Variants in RIT2 observed in about 807,000 individuals in gnomAD.
RIT2 encodes Ras like without CAAX 2, also known as GTP-binding protein Rit2.
RIT2 carries 24 observed loss-of-function variants against 23.7 expected under a neutral mutation model. The observed-to-expected ratio is 1.01, with a 90% CI of 0.73 to 1.43. RIT2 has a LOEUF of 1.43. RIT2 is among the 40% of genes most tolerant of loss of function. The pLI, the probability that RIT2 is intolerant of heterozygous loss-of-function variation, is 0.00. For missense variants in RIT2, 236 were observed against 266.9 expected (o/e 0.88, Z 0.81); for synonymous variants, 107 against 91.1 (o/e 1.17, Z -0.99).
At chr18:43,027,371 G>T (rs1165435750) in intron 2 of RIT2, among the ~76,000 whole-genome samples, 1 of 152,064 alleles carries the variant, frequency 6.6e-6, no homozygotes, top group Non-Finnish European at 1.5e-5. Context: ...ATTTTATGAT[G>T]ATAAGAAGTG....
At chr18:42,991,315 T>G (rs1427934577) in intron 2 of RIT2, among the ~76,000 whole-genome samples, 1 of 152,002 alleles carries the variant, frequency 6.6e-6, no homozygotes, top group South Asian at 2.1e-4. Context: ...GAAGACAGAG[T>G]AGGCAAACAC....
intron 3 of RIT2, among the ~76,000 whole-genome samples, chr18:42,967,577 G>A (rs576907648): frequency 4.8e-4 from 50 of 105,172 alleles, no homozygotes; most frequent in African/African-American, 1.9e-3. Flanking sequence ...ATTTTTAGTA[G>A]AGACGGGGTT....
At chr18:42,969,251 A>G (rs1266231444) in intron 3 of RIT2, among the ~76,000 whole-genome samples, 1 of 152,162 alleles carries the variant, frequency 6.6e-6, no homozygotes, top group African/African-American at 2.4e-5. Context: ...TGGACCTTAA[A>G]ATATCCAAAA....
At chr18:42,858,488 A>G (rs559993923) in intron 4 of RIT2, among the ~76,000 whole-genome samples, 66 of 152,274 alleles carry the variant, frequency 4.3e-4, no homozygotes, top group African/African-American at 1.5e-3. Flanking sequence ...TTAATGCCAC[A>G]AAGGAGTCCC....
chr18:42,916,193 T>G (rs994691443), intron 4 of RIT2, among the ~76,000 whole-genome samples: 1 of 152,132 alleles, frequency 6.6e-6, no homozygotes. Context: ...TAATTAGTAT[T>G]TCTAATGAAG....
chr18:42,980,193 T>A (rs1466357266), intron 2 of RIT2, among the ~76,000 whole-genome samples: 1 of 152,072 alleles, frequency 6.6e-6, no homozygotes, highest in African/African-American at 2.4e-5. Context: ...AGAACAACCT[T>A]TCCTATCATA....
At chr18:43,044,461 A>T (rs1912200840) in intron 1 of RIT2, among the ~76,000 whole-genome samples, 1 of 152,208 alleles carries the variant, frequency 6.6e-6, no homozygotes, top group African/African-American at 2.4e-5. Flanking sequence ...ATATTAAAGT[A>T]ATGAAGCTCA....
At chr18:43,062,946 G>T (rs1425519298) in intron 1 of RIT2, among the ~76,000 whole-genome samples, 1 of 152,038 alleles carries the variant, frequency 6.6e-6, no homozygotes, top group Non-Finnish European at 1.5e-5. Flanking sequence ...ATAAGAATTA[G>T]AAAATTTTGG....
chr18:42,999,004 A>G (rs1056844011), intron 2 of RIT2, among the ~76,000 whole-genome samples: 2 of 152,092 alleles, frequency 1.3e-5, no homozygotes, highest in African/African-American at 2.4e-5. Flanking sequence ...CTTAATTTTT[A>G]TCACCAAGGA....
At chr18:42,966,211 T>C (rs1400333448) in intron 3 of RIT2, among the ~76,000 whole-genome samples, 1 of 152,186 alleles carries the variant, frequency 6.6e-6, no homozygotes, top group Non-Finnish European at 1.5e-5. Context: ...AAATTTCTGT[T>C]GGCACAGTGG....
At chr18:43,073,451 T>TA (rs1912942774) in intron 1 of RIT2, among the ~76,000 whole-genome samples, 1 of 152,198 alleles carries the variant, frequency 6.6e-6, no homozygotes, top group Admixed American at 6.5e-5. Flanking sequence ...TTTAAAGGTA[T>TA]AATATCATTC....
chr18:42,795,488 G>A (rs543774387), intron 4 of RIT2, among the ~76,000 whole-genome samples: 54 of 152,322 alleles, frequency 3.5e-4, no homozygotes, highest in African/African-American at 1.3e-3. Flanking sequence ...GCTCGGGACC[G>A]GCAGCCCGCC....
chr18:43,092,453 T>G (rs4890426), intron 1 of RIT2, among the ~76,000 whole-genome samples: 25,713 of 152,112 alleles, frequency 0.17, 2,313 homozygotes, highest in South Asian at 0.21. Flanking sequence ...TTAACTAAAA[T>G]CAAGTTTGTC....
At chr18:42,871,395 C>T (rs1225603332) in intron 4 of RIT2, among the ~76,000 whole-genome samples, 1 of 151,978 alleles carries the variant, frequency 6.6e-6, no homozygotes, top group African/African-American at 2.4e-5. Flanking sequence ...TGTATACATG[C>T]ACACACACAT....
intron 4 of RIT2, among the ~76,000 whole-genome samples, chr18:42,841,931 A>G (rs1013012601): frequency 1.3e-5 from 2 of 152,230 alleles, no homozygotes; most frequent in Non-Finnish European, 2.9e-5. Context: ...TGTCTGGCAC[A>G]TTCTGCATCC....
intron 4 of RIT2, among the ~76,000 whole-genome samples, chr18:42,776,253 A>G (rs1161682264): frequency 6.6e-6 from 1 of 152,214 alleles, no homozygotes; most frequent in Admixed American, 6.5e-5. Flanking sequence ...ATAGGTGACA[A>G]TTTTATTAGA....
At chr18:42,966,254 C>G (rs1910221646) in intron 3 of RIT2, among the ~76,000 whole-genome samples, 1 of 150,652 alleles carries the variant, frequency 6.6e-6, no homozygotes, top group South Asian at 2.1e-4. Context: ...AAAGTTCTTT[C>G]ATTGTCCAAC....
chr18:42,750,839 A>G (rs1280945233), intron 4 of RIT2, among the ~76,000 whole-genome samples: 9 of 99,924 alleles, frequency 9.0e-5, no homozygotes, highest in Admixed American at 1.8e-4. Context: ...AACCCTGAAA[A>G]CTTTTGAATC....
rs559123741 is a variant in RIT2, at chr18:42,811,684, T to A, written c.427-67964A>T. On this transcript the variant is annotated intron_variant, in intron 4 of 4. Transcript: ENST00000326695. ...TGTCATGGCTTAGTTGAAAAATATG[T>A]CATGTCAATCCAAATATTGTCATGC... is the stretch of plus-strand genomic sequence containing the variant. 2.6e-4 allele frequency among the ~76,000 whole-genome samples: 40 copies of A among 152,228 alleles called. No homozygotes were observed. In the South Asian group the frequency reaches 8.1e-3, roughly 31 times the overall value.
Sources: gnomAD v4.1 joint callset for allele counts (sites outside exome capture counted in the v4.1 genomes callset) on GRCh38, gnomAD v4.1.1 for gene constraint, MANE v1.5 for transcripts, NCBI Gene and HGNC (gene_info 2026-07-23, HGNC 2026-07-21) for gene names.